The following CST1 variants were observed in gnomAD, a reference collection of about 807,000 sequenced individuals.
The protein encoded by CST1 is cystatin SN, also known as cystatin-SN.
A neutral mutation model predicts 10.7 loss-of-function variants in CST1; 19 were observed. The ratio of observed to expected loss-of-function variants is 1.78; its 90% CI spans 1.24 to 2.61. The LOEUF (loss-of-function observed/expected upper bound fraction) is 2.61. Ranked by LOEUF, CST1 falls within the 30% of genes most tolerant of loss-of-function variation. CST1 has a pLI of 0.00. For missense variants in CST1, 247 were observed against 178.1 expected (o/e 1.39, Z -2.20); for synonymous variants, 95 against 72.8 (o/e 1.31, Z -1.55).
chr20:23,750,730 C>A lies in CST1; in HGVS notation c.137G>T (p.Arg46Leu), dbSNP rs572086468. 6.2e-7 allele frequency: 1 copy of A among 1,614,008 alleles called. No homozygotes were observed. The highest frequency in any genetic ancestry group is 8.5e-7 in the Non-Finnish European group (1 of 1,180,030). Residue 46 changes from arginine to leucine, a missense_variant, in exon 1 of 3, where the codon CGT (arginine) becomes CTT (leucine). Coordinates refer to ENST00000304749, the MANE Select transcript of CST1 (RefSeq NM_001898.3). ...CTCGCTGATGGCGAAGTGAAGGGCACGCTGTACCCACTCATCATTGAGGTC... is the reference window on the plus strand; with the variant it reads ...CTCGCTGATGGCGAAGTGAAGGGCAAGCTGTACCCACTCATCATTGAGGTC... Reference protein sequence around the residue: ...NADLNDEWVQRALHFAISEYN... With the variant: ...NADLNDEWVQLALHFAISEYN...
At chr20:23,749,754 A>G (rs1208546073) in intron 1 of CST1, among the ~76,000 whole-genome samples, 1 of 151,524 alleles carries the variant, frequency 6.6e-6, no homozygotes, top group East Asian at 1.9e-4. Flanking sequence ...CCATGTCTAA[A>G]ATAGGCTTCT....
chr20:23,748,100 G>T (rs1982717991), intron 2 of CST1, among the ~76,000 whole-genome samples: 1 of 152,122 alleles, frequency 6.6e-6, no homozygotes, highest in Non-Finnish European at 1.5e-5. Flanking sequence ...AAGTCACCAG[G>T]TGGCATTGGG....
intron 1 of CST1, among the ~76,000 whole-genome samples, chr20:23,749,333 T>C (rs766239558): frequency 8.5e-5 from 13 of 152,174 alleles, no homozygotes; most frequent in Non-Finnish European, 1.9e-4. Context: ...CTGTGCTGGG[T>C]AAAAGGATTC....
At chr20:23,750,130 G>A (rs756831324) in intron 1 of CST1, among the ~76,000 whole-genome samples, 1 of 152,026 alleles carries the variant, frequency 6.6e-6, no homozygotes, top group Non-Finnish European at 1.5e-5. Flanking sequence ...GCAGGGTCAG[G>A]CATGCTCCAC....
intron 1 of CST1, among the ~76,000 whole-genome samples, chr20:23,750,343 C>T (rs1982795578): frequency 6.6e-6 from 1 of 152,178 alleles, no homozygotes; most frequent in Non-Finnish European, 1.5e-5. Context: ...TCATCCTGAG[C>T]AGCATCAAGC....
At chr20:23,749,729 C>T (rs1185978240) in intron 1 of CST1, among the ~76,000 whole-genome samples, 3 of 151,816 alleles carry the variant, frequency 2.0e-5, no homozygotes, top group Admixed American at 6.6e-5. Flanking sequence ...TGAGATCCCT[C>T]GAGTGTCAGT....
intron 2 of CST1, 50 bp downstream of exon 2, chr20:23,748,966 G>A (rs748198710): frequency 7.5e-6 from 12 of 1,606,726 alleles, no homozygotes; most frequent in East Asian, 6.7e-5. Flanking sequence ...TGACACATAC[G>A]CACCCCTCTG....
Position 23,749,055 on chromosome 20 carries a change from C to T in CST1, c.303G>A (p.Leu101=), listed in dbSNP as rs1381642134. The change falls in exon 2 of 3, where the codon TTG becomes TTA. Residue 101 remains leucine, a synonymous_variant. Transcript: ENST00000304749. The part of the protein sequence containing the change: ...RTICTKSQPN[L]DTCAFHEQPE... ...GCTGTTCATGGAAGGCACAGGTGTCCAAGTTGGGCTGGGACTTGGTACATA... is the reference window on the plus strand; with the variant it reads ...GCTGTTCATGGAAGGCACAGGTGTCTAAGTTGGGCTGGGACTTGGTACATA... 2.5e-6 allele frequency: 4 copies of T among 1,614,152 alleles called. No homozygotes were observed. Among genetic ancestry groups the T allele is most frequent in the South Asian group, 2.2e-5 (2 of 91,084 alleles).
In CST1 at chr20:23,747,899, T is replaced by C. The variant is rs1472333843; in HGVS notation, c.343A>G (p.Lys115Glu). 1.9e-6 allele frequency: 3 copies of C among 1,613,526 alleles called. No individual in the cohort carries two copies. The highest frequency in any genetic ancestry group is 3.3e-4 in the Middle Eastern group (2 of 6,060). Reference sequence around the variant, plus strand: ...TAGATCTCGAAAGAGCACAACTGTTTCTGTGAAAGGGAAGAGAGAGGGCCA... The same window carrying C: ...TAGATCTCGAAAGAGCACAACTGTTCCTGTGAAAGGGAAGAGAGAGGGCCA... ...AFHEQPELQK[K>E]QLCSFEIYEV... Residue 115 changes from lysine (K) to glutamate (E), a missense_variant and splice_region_variant, in exon 3 of 3, where the codon AAA (lysine) becomes GAA (glutamate). Lys to Glu is a moderately conservative substitution (Grantham distance 56). Transcript: ENST00000304749.
chr20:23,749,990 G>A (rs1466246505), intron 1 of CST1, among the ~76,000 whole-genome samples: 4 of 151,622 alleles, frequency 2.6e-5, no homozygotes, highest in Non-Finnish European at 5.9e-5. Context: ...TTGCTGCTGT[G>A]CCATGGGATG....
At position 23,748,897 on chromosome 20, in the gene CST1, C is replaced by T. The variant is rs4416286; in HGVS notation, c.342+119G>A. The T allele has an allele frequency of 0.65, 457,809 of 700,806 alleles. 160,440 individuals carry two copies. Among genetic ancestry groups the T allele is most frequent in the African/African-American group, 0.86 (47,160 of 54,692 alleles). The allele number at this position is 700,806 out of a possible 1,614,324, so 43.4% of individuals were successfully genotyped here. A position where few individuals can be genotyped will look rare whatever the true frequency, so the allele number is the denominator to read the frequency against. On this transcript the variant is annotated intron_variant, in intron 2 of 2. Transcript: ENST00000304749. ...GAACACGTACACATCCATGCATACACGGCTCCCCACATACCCACCTGCACA... is the reference window on the plus strand; with the variant it reads ...GAACACGTACACATCCATGCATACATGGCTCCCCACATACCCACCTGCACA...
rs768501392 is a variant in CST1, at chr20:23,749,132, G to A, written c.229-3C>T. The A allele has an allele frequency of 1.9e-6, 3 of 1,614,094 alleles. No individual in the cohort carries two copies. The highest frequency in any genetic ancestry group is 1.7e-6 in the Non-Finnish European group (2 of 1,179,976). On this transcript the variant is annotated splice_region_variant and splice_polypyrimidine_tract_variant and intron_variant, in intron 1 of 2. Coordinates refer to ENST00000304749, the MANE Select transcript of CST1 (RefSeq NM_001898.3). ...AAGTAATTCACCCCCCCAACGGTCT[G>A]CACACAGGAGAAAACAGGACAGCGC...
Position 23,748,898 on chromosome 20 carries a change from G to T in CST1, c.342+118C>A. ...AACACGTACACATCCATGCATACACGGCTCCCCACATACCCACCTGCACAC... is the reference window on the plus strand; with the variant it reads ...AACACGTACACATCCATGCATACACTGCTCCCCACATACCCACCTGCACAC... On this transcript the variant is annotated intron_variant, in intron 2 of 2. Transcript: ENST00000304749. 4.1e-6 allele frequency: 3 copies of T among 736,434 alleles called. 1 individual carries two copies. The highest frequency in any genetic ancestry group is 2.3e-6 in the Non-Finnish European group (1 of 440,854). The allele number at this position is 736,434 out of a possible 1,614,324, so 45.6% of individuals were successfully genotyped here.
chr20:23,747,748 C>A lies in CST1; in HGVS notation c.*68G>T, dbSNP rs1478441042. The A allele has an allele frequency of 2.0e-6, 3 of 1,508,924 alleles. No homozygotes were observed. The highest frequency in any genetic ancestry group is 1.2e-5 in the South Asian group (1 of 85,600). 93.5% of individuals were successfully genotyped at this position (1,508,924 alleles called of 1,614,324 possible). The stretch of plus-strand genomic sequence containing the variant: ...CTCCCGCAGGGTGGGGGCCACCAGT[C>A]CAGGGGTGGGAGCACTACAGGGGGT... On this transcript the variant is annotated 3_prime_UTR_variant, in exon 3 of 3. Coordinates refer to ENST00000304749, the MANE Select transcript of CST1 (RefSeq NM_001898.3).
At chr20:23,749,857 G>C (rs1007523440) in intron 1 of CST1, among the ~76,000 whole-genome samples, 1 of 149,818 alleles carries the variant, frequency 6.7e-6, no homozygotes, top group East Asian at 2.0e-4. Flanking sequence ...CGGCACCAGG[G>C]AGTGTATCTC....
chr20:23,750,214 G>C (rs942853355), intron 1 of CST1, among the ~76,000 whole-genome samples: 2 of 152,190 alleles, frequency 1.3e-5, no homozygotes, highest in South Asian at 4.1e-4. Context: ...CTAGCCATAA[G>C]GGGCTGTGCC....
At position 23,750,713 on chromosome 20, in the gene CST1, T is replaced by C; in HGVS notation, c.154A>G (p.Ile52Val). Residue 52 changes from isoleucine (I) to valine (V), a missense_variant, in exon 1 of 3, where the codon ATC becomes GTC. Ile to Val is a conservative substitution (Grantham distance 29). Coordinates refer to ENST00000304749, the MANE Select transcript of CST1 (RefSeq NM_001898.3). ...EWVQRALHFA[I>V]SEYNKATKDD... ...TTGGTGGCCTTGTTATACTCGCTGA[T>C]GGCGAAGTGAAGGGCACGCTGTACC... 6.2e-7 allele frequency: 1 copy of C among 1,614,182 alleles called. No homozygotes were observed. Among genetic ancestry groups the C allele is most frequent in the Non-Finnish European group, 8.5e-7 (1 of 1,180,022 alleles).
In CST1 at chr20:23,747,754, G is replaced by T; in HGVS notation, c.*62C>A. On this transcript the variant is annotated 3_prime_UTR_variant, in exon 3 of 3. Coordinates refer to ENST00000304749, the MANE Select transcript of CST1 (RefSeq NM_001898.3). ...CAGGGTGGGGGCCACCAGTCCAGGG[G>T]TGGGAGCACTACAGGGGGTGGGAGT... 1 of 1,530,712 alleles carries T rather than the reference G, an allele frequency of 6.5e-7. No individual in the cohort carries two copies. The highest frequency in any genetic ancestry group is 9.0e-7 in the Non-Finnish European group (1 of 1,110,786). 94.8% of individuals were successfully genotyped at this position (1,530,712 alleles called of 1,614,324 possible).
chr20:23,749,272 G>A, intron 1 of CST1, 143 bp from the exon 2 acceptor site: 3 of 803,434 alleles, frequency 3.7e-6, no homozygotes, highest in Non-Finnish European at 6.4e-6. Context: ...CCCTCTTCCT[G>A]TCAACTGGCA....
Sources: allele counts gnomAD v4.1 joint callset (sites outside exome capture counted in the v4.1 genomes callset), GRCh38; gene constraint gnomAD v4.1.1; transcripts MANE v1.5; gene names NCBI Gene and HGNC (gene_info 2026-07-23, HGNC 2026-07-21).